The following HS6ST3 variants were observed in gnomAD, a reference collection of about 807,000 sequenced individuals.
HS6ST3 encodes the protein heparan sulfate 6-O-sulfotransferase 3.
In HS6ST3, 12 loss-of-function variants were observed where a neutral mutation model predicts 36.7. The observed-to-expected ratio is 0.33, with a 90% CI of 0.21 to 0.53. HS6ST3 has a LOEUF of 0.53. Among genes scored for constraint, HS6ST3 ranks in the 20% least tolerant of loss-of-function variants. The pLI, the probability that HS6ST3 is intolerant of heterozygous loss-of-function variation, is 0.95. For synonymous variants in HS6ST3, 240 were observed against 257.5 expected, an observed-to-expected ratio of 0.93 and a Z score of 0.65; for missense variants, 584 against 640.9, an observed-to-expected ratio of 0.91 and a Z score of 0.96.
At chr13:96,431,001 G>A (rs1259319424) in intron 1 of HS6ST3, among the ~76,000 whole-genome samples, 1 of 152,018 alleles carries the variant, frequency 6.6e-6, no homozygotes, top group Admixed American at 6.6e-5. Context: ...TTGAGGACAG[G>A]AGTTTGAGAC....
chr13:96,609,855 A>C (rs780918718), intron 1 of HS6ST3, among the ~76,000 whole-genome samples: 3 of 152,252 alleles, frequency 2.0e-5, no homozygotes, highest in Non-Finnish European at 4.4e-5. Context: ...TGATGATGGA[A>C]AAGGAACTAG....
At chr13:96,610,863 A>AAC (rs535982942) in intron 1 of HS6ST3, among the ~76,000 whole-genome samples, 1 of 151,476 alleles carries the variant, frequency 6.6e-6, no homozygotes, top group Non-Finnish European at 1.5e-5. Context: ...GAAAAAAAAA[A>AAC]ACAAAAAACA....
At chr13:96,377,190 C>T (rs575060309) in intron 1 of HS6ST3, among the ~76,000 whole-genome samples, 3 of 151,216 alleles carry the variant, frequency 2.0e-5, no homozygotes, top group Admixed American at 1.3e-4. Context: ...CATAGTGAGA[C>T]CCTGTGTCTA....
chr13:96,690,542 G>T (rs1433217639), intron 1 of HS6ST3, among the ~76,000 whole-genome samples: 1 of 151,998 alleles, frequency 6.6e-6, no homozygotes, highest in African/African-American at 2.4e-5. Context: ...ATCATCTCCC[G>T]GGCATGGAAG....
intron 1 of HS6ST3, among the ~76,000 whole-genome samples, chr13:96,688,978 G>A (rs1212559834): frequency 2.0e-5 from 3 of 152,034 alleles, no homozygotes; most frequent in Admixed American, 1.3e-4. Flanking sequence ...ACCATCTTTG[G>A]AGTACCTATT....
chr13:96,441,129 G>A (rs1484064527), intron 1 of HS6ST3, among the ~76,000 whole-genome samples: 1 of 152,084 alleles, frequency 6.6e-6, no homozygotes. Context: ...CAGGAAGAGG[G>A]CCTTCACCAA....
chr13:96,598,839 G>C (rs1278121158), intron 1 of HS6ST3, among the ~76,000 whole-genome samples: 1 of 152,056 alleles, frequency 6.6e-6, no homozygotes, highest in African/African-American at 2.4e-5. Flanking sequence ...TTATTGTGAA[G>C]TATGTTCCTT....
At chr13:96,540,545 C>T (rs1292322150) in intron 1 of HS6ST3, among the ~76,000 whole-genome samples, 1 of 152,100 alleles carries the variant, frequency 6.6e-6, no homozygotes, top group African/African-American at 2.4e-5. Flanking sequence ...GCCACTCCCT[C>T]CTTAGGCAAA....
intron 1 of HS6ST3, among the ~76,000 whole-genome samples, chr13:96,143,232 A>C (rs987682142): frequency 6.6e-6 from 1 of 151,980 alleles, no homozygotes; most frequent in Non-Finnish European, 1.5e-5. Flanking sequence ...AATGAACTCT[A>C]AAAATCCACG....
chr13:96,637,819 C>T (rs1242465873), intron 1 of HS6ST3, among the ~76,000 whole-genome samples: 1 of 151,950 alleles, frequency 6.6e-6, no homozygotes, highest in East Asian at 1.9e-4. Context: ...ATTTAAAGCC[C>T]AGGTTAAAAT....
At chr13:96,198,712 C>A (rs1295648623) in intron 1 of HS6ST3, among the ~76,000 whole-genome samples, 1 of 152,184 alleles carries the variant, frequency 6.6e-6, no homozygotes, top group Non-Finnish European at 1.5e-5. Context: ...TCAGCCTGGG[C>A]CTTATTGTCC....
At chr13:96,791,855 T>G (rs1877800458) in intron 1 of HS6ST3, among the ~76,000 whole-genome samples, 1 of 152,076 alleles carries the variant, frequency 6.6e-6, no homozygotes, top group South Asian at 2.1e-4. Context: ...GCCTGTTTAC[T>G]TTTGATTAAT....
intron 1 of HS6ST3, among the ~76,000 whole-genome samples, chr13:96,381,392 A>G (rs146716601): frequency 1.6e-3 from 129 of 80,444 alleles, no homozygotes; most frequent in African/African-American, 5.4e-3. Context: ...CTATGTATCT[A>G]TGTATCTATG....
chr13:96,226,472 A>G (rs1177895822), intron 1 of HS6ST3, among the ~76,000 whole-genome samples: 1 of 152,220 alleles, frequency 6.6e-6, no homozygotes, highest in African/African-American at 2.4e-5. Flanking sequence ...GTAAGCCAAG[A>G]TCGTGCCATT....
intron 1 of HS6ST3, among the ~76,000 whole-genome samples, chr13:96,210,992 T>C (rs2054396351): frequency 6.6e-6 from 1 of 151,740 alleles, no homozygotes. Context: ...AGTGCAGTGG[T>C]ATGATTTTGG....
chr13:96,197,351 G>A (rs1024620971), intron 1 of HS6ST3, among the ~76,000 whole-genome samples: 36 of 152,140 alleles, frequency 2.4e-4, no homozygotes, highest in Non-Finnish European at 3.1e-4. Flanking sequence ...AGGAAAGACA[G>A]GCCCCCATGA....
At chr13:96,462,106 G>C (rs2055787366) in intron 1 of HS6ST3, among the ~76,000 whole-genome samples, 1 of 152,168 alleles carries the variant, frequency 6.6e-6, no homozygotes. Context: ...GTCTGACTCT[G>C]TTGCCCAGGT....
intron 1 of HS6ST3, among the ~76,000 whole-genome samples, chr13:96,568,591 A>G (rs1490474834): frequency 6.6e-6 from 1 of 152,146 alleles, no homozygotes; most frequent in Non-Finnish European, 1.5e-5. Flanking sequence ...GTGTCTATAT[A>G]TTATTATTTC....
intron 1 of HS6ST3, among the ~76,000 whole-genome samples, chr13:96,256,175 C>G (rs1448344176): frequency 6.6e-6 from 1 of 152,098 alleles, no homozygotes; most frequent in Non-Finnish European, 1.5e-5. Flanking sequence ...ATAGTGTATG[C>G]CATCAGGTGA....
Sources: allele counts gnomAD v4.1 joint callset (sites outside exome capture counted in the v4.1 genomes callset), GRCh38; gene constraint gnomAD v4.1.1; transcripts MANE v1.5; gene names NCBI Gene and HGNC (gene_info 2026-07-23, HGNC 2026-07-21).